ATE1: variants seen among roughly 807,000 people sequenced by gnomAD.
ATE1 encodes arginyl-tRNA--protein transferase 1.
A neutral mutation model predicts 70.5 loss-of-function variants in ATE1; 36 were observed. That is an observed-to-expected ratio of 0.51 (90% CI 0.39 to 0.67). The LOEUF is 0.67. ATE1 is among the 30% of genes least tolerant of loss of function. ATE1 has a pLI of 0.00. For synonymous variants in ATE1, 232 were observed against 219.3 expected (o/e 1.06, Z -0.51); for missense variants, 593 against 629.5 (o/e 0.94, Z 0.62).
chr10:121,916,015 T>C (rs1235662530), intron 3 of ATE1, among the ~76,000 whole-genome samples: 1 of 150,514 alleles, frequency 6.6e-6, no homozygotes, highest in Non-Finnish European at 1.5e-5. Context: ...GGCGGGCAGA[T>C]CACAAGGTCA....
chr10:121,743,641 TCAG>T lies in ATE1; in HGVS notation c.*36_*38del. ...TGAATATGTATCCTGGCACAAATCA[TCAG>T]CACAACACAGGAACTTCCCGGCAGA... On this transcript the variant is annotated 3_prime_UTR_variant, in exon 12 of 12. Coordinates refer to ENST00000224652, the MANE Select transcript of ATE1 (RefSeq NM_001001976.3). 2.0e-6 allele frequency: 3 copies of T among 1,537,832 alleles called. No homozygotes were observed. Among genetic ancestry groups the T allele is most frequent in the Non-Finnish European group, 1.7e-6 (2 of 1,145,254 alleles).
chr10:121,760,049 C>T (rs879494525), intron 11 of ATE1, among the ~76,000 whole-genome samples: 2 of 152,188 alleles, frequency 1.3e-5, no homozygotes, highest in Admixed American at 6.5e-5. Context: ...CTCTTTGCAG[C>T]GTATTTTACT....
intron 8 of ATE1, among the ~76,000 whole-genome samples, chr10:121,864,850 T>C (rs1393651659): frequency 6.6e-6 from 1 of 151,988 alleles, no homozygotes; most frequent in Admixed American, 6.6e-5. Context: ...CTCAGAGGGG[T>C]GAGTCCTACT....
intron 11 of ATE1, among the ~76,000 whole-genome samples, chr10:121,759,505 C>G (rs1429962866): frequency 6.6e-6 from 1 of 152,104 alleles, no homozygotes; most frequent in Non-Finnish European, 1.5e-5. Flanking sequence ...AGGTGGATCA[C>G]AAGGTCAGGA....
At chr10:121,749,006 T>C (rs566632736) in intron 11 of ATE1, among the ~76,000 whole-genome samples, 1 of 152,308 alleles carries the variant, frequency 6.6e-6, no homozygotes, top group Admixed American at 6.5e-5. Context: ...TTAATTAATT[T>C]ACTAAAATAC....
chr10:121,831,483 G>A (rs1360827022), intron 10 of ATE1, among the ~76,000 whole-genome samples: 1 of 152,136 alleles, frequency 6.6e-6, no homozygotes, highest in Non-Finnish European at 1.5e-5. Context: ...CTCGTGTCCT[G>A]CTTCCTGCGA....
chr10:121,904,365 G>A lies in ATE1; in HGVS notation c.584-1745C>T, dbSNP rs186619206. 8.6e-5 allele frequency among the ~76,000 whole-genome samples: 13 copies of A among 151,698 alleles called. No homozygotes were observed. The East Asian group carries it at 1.6e-3, about 18-fold the overall frequency. On this transcript the variant is annotated intron_variant, in intron 5 of 11. Coordinates refer to ENST00000224652, the MANE Select transcript of ATE1 (RefSeq NM_001001976.3). ...GGTGTTTAAGATCCCAAAACAGCCC[G>A]GTGCAGTGGCTCATGCCTGTAATCC...
chr10:121,927,995 G>A lies in ATE1; in HGVS notation c.-46C>T, dbSNP rs1454244243. ...TCAGCCGCCCGGCCCCGCGTCGCTA[G>A]CGCGGCCGCCGCCGCCACCCCACAA... is the stretch of plus-strand genomic sequence containing the variant. On this transcript the variant is annotated 5_prime_UTR_variant, in exon 1 of 12. Coordinates refer to ENST00000224652, the MANE Select transcript of ATE1 (RefSeq NM_001001976.3). The A allele has an allele frequency of 2.1e-6, 3 of 1,414,370 alleles. No homozygotes were observed. The highest frequency in any genetic ancestry group is 6.1e-5 in the East Asian group (2 of 32,582). The allele number at this position is 1,414,370 out of a possible 1,614,324, so 87.6% of individuals were successfully genotyped here.
chr10:121,820,954 T>C lies in ATE1; in HGVS notation c.1257+15764A>G, dbSNP rs1947769822. ...AAATATATAGGAAAACATTTCCCTT[T>C]TTTTTGAGATGGAGTCTCGTTCTGT... On this transcript the variant is annotated intron_variant, in intron 10 of 11. Coordinates refer to ENST00000224652, the MANE Select transcript of ATE1 (RefSeq NM_001001976.3). Among the ~76,000 whole-genome samples the C allele has an allele frequency of 4.6e-5, 7 of 152,218 alleles. No individual in the cohort carries two copies. The South Asian group carries it at 1.5e-3, about 32-fold the overall frequency.
At chr10:121,870,892 G>A (rs1397947155) in intron 7 of ATE1, among the ~76,000 whole-genome samples, 1 of 152,056 alleles carries the variant, frequency 6.6e-6, no homozygotes, top group Admixed American at 6.6e-5. Flanking sequence ...AATCCTTTGA[G>A]ATTTACTGTT....
intron 7 of ATE1, among the ~76,000 whole-genome samples, chr10:121,881,865 C>T (rs796387514): frequency 5.6e-4 from 86 of 152,262 alleles, no homozygotes; most frequent in African/African-American, 1.9e-3. Context: ...ACGACCTCGG[C>T]TCACTGCAAA....
intron 3 of ATE1, among the ~76,000 whole-genome samples, chr10:121,918,645 T>C (rs1488115393): frequency 6.6e-6 from 1 of 152,202 alleles, no homozygotes; most frequent in Non-Finnish European, 1.5e-5. Context: ...AAATGACTTC[T>C]GCCTTAGAAG....
At chr10:121,836,311 G>A (rs1256398382) in intron 10 of ATE1, among the ~76,000 whole-genome samples, 1 of 152,100 alleles carries the variant, frequency 6.6e-6, no homozygotes, top group East Asian at 1.9e-4. Context: ...CAACTTCAGA[G>A]CTGAAAGCCT....
intron 8 of ATE1, among the ~76,000 whole-genome samples, chr10:121,843,569 G>T (rs991464328): frequency 6.6e-6 from 1 of 152,134 alleles, no homozygotes; most frequent in African/African-American, 2.4e-5. Context: ...AAGATGGAGT[G>T]ATATTGGTGA....
intron 10 of ATE1, among the ~76,000 whole-genome samples, chr10:121,827,316 T>A (rs1449221505): frequency 6.6e-6 from 1 of 152,164 alleles, no homozygotes; most frequent in South Asian, 2.1e-4. Context: ...CCAGCAAATT[T>A]TTTTTAAAAA....
intron 3 of ATE1, among the ~76,000 whole-genome samples, chr10:121,916,341 T>C (rs1160675481): frequency 6.6e-6 from 1 of 152,132 alleles, no homozygotes; most frequent in African/African-American, 2.4e-5. Context: ...AATAATACGA[T>C]AGTGGAACAA....
chr10:121,902,991 G>A (rs1303693735), intron 5 of ATE1, among the ~76,000 whole-genome samples: 1 of 146,280 alleles, frequency 6.8e-6, no homozygotes, highest in African/African-American at 2.5e-5. Flanking sequence ...TCAACCTCCC[G>A]AGTAGCTGGG....
At chr10:121,796,343 T>C (rs193022111) in intron 10 of ATE1, among the ~76,000 whole-genome samples, 2 of 152,338 alleles carry the variant, frequency 1.3e-5, no homozygotes, top group East Asian at 3.9e-4. Flanking sequence ...CTTTTTATTA[T>C]TAATTAAACA....
rs1950185589 is a variant in ATE1, at chr10:121,880,266, G to A, written c.943-10228C>T. 5.3e-5 allele frequency among the ~76,000 whole-genome samples: 8 copies of A among 151,856 alleles called. No individual in the cohort carries two copies. The South Asian group carries it at 1.7e-3, about 32-fold the overall frequency. On this transcript the variant is annotated intron_variant, in intron 7 of 11. Transcript: ENST00000224652. ...TTTGAATACGCCCACATCTTGTCAG[G>A]TACATGTATTACTAATGATCTTTAA... is the stretch of plus-strand genomic sequence containing the variant.
Sources: allele counts gnomAD v4.1 joint callset (sites outside exome capture counted in the v4.1 genomes callset), GRCh38; gene constraint gnomAD v4.1.1; transcripts MANE v1.5; gene names NCBI Gene and HGNC (gene_info 2026-07-23, HGNC 2026-07-21).